The following NLGN1 variants were observed in gnomAD, a reference collection of about 807,000 sequenced individuals.
NLGN1 encodes the protein neuroligin-1.
A neutral mutation model predicts 65.5 loss-of-function variants in NLGN1; 12 were observed. The observed-to-expected ratio is 0.18, with a 90% CI of 0.12 to 0.30. The LOEUF (loss-of-function observed/expected upper bound fraction) is 0.30, where lower values mean the gene tolerates loss of function less well. Among genes scored for constraint, NLGN1 ranks in the 10% least tolerant of loss-of-function variants. The pLI is 1.00. For synonymous variants in NLGN1, 350 were observed against 359.5 expected (o/e 0.97, Z 0.30); for missense variants, 750 against 1,007.1 (o/e 0.74, Z 3.46).
intron 2 of NLGN1, among the ~76,000 whole-genome samples, chr3:173,502,924 G>A (rs1336436089): frequency 6.6e-6 from 1 of 152,006 alleles, no homozygotes; most frequent in Non-Finnish European, 1.5e-5. Context: ...GTTCACTGTA[G>A]TTACATAAAC....
intron 2 of NLGN1, among the ~76,000 whole-genome samples, chr3:173,478,832 G>A (rs1188720572): frequency 6.6e-6 from 1 of 151,752 alleles, no homozygotes; most frequent in East Asian, 1.9e-4. Flanking sequence ...GTTGCAGTGA[G>A]CTGAGATTGA....
At chr3:174,238,015 G>A (rs12497494) in intron 4 of NLGN1, among the ~76,000 whole-genome samples, 2 of 152,146 alleles carry the variant, frequency 1.3e-5, no homozygotes, top group African/African-American at 2.4e-5. Flanking sequence ...GTTGACAGTA[G>A]GATGTGCTAA....
chr3:173,976,941 G>T (rs1489896219), intron 4 of NLGN1, among the ~76,000 whole-genome samples: 1 of 151,944 alleles, frequency 6.6e-6, no homozygotes. Flanking sequence ...GAAAAAAATG[G>T]ACTCAGTCAT....
At chr3:174,283,307 G>A (rs962021498) in exon 7 of NLGN1, 1 of 151,300 alleles carries the variant, frequency 6.6e-6, no homozygotes. Context: ...ATTATTTAAT[G>A]TTTGTTATGA....
chr3:173,427,725 G>C (rs1716389232), intron 1 of NLGN1, among the ~76,000 whole-genome samples: 1 of 151,808 alleles, frequency 6.6e-6, no homozygotes, highest in Non-Finnish European at 1.5e-5. Context: ...TTGCTTTGTG[G>C]CCTAAGATAT....
chr3:173,881,706 T>G (rs1243632036), intron 4 of NLGN1, among the ~76,000 whole-genome samples: 2 of 152,086 alleles, frequency 1.3e-5, no homozygotes, highest in African/African-American at 2.4e-5. Flanking sequence ...GCTCCACTTC[T>G]AATTCTAGTT....
At chr3:173,568,305 C>T (rs1364268635) in intron 2 of NLGN1, among the ~76,000 whole-genome samples, 2 of 148,750 alleles carry the variant, frequency 1.3e-5, no homozygotes, top group East Asian at 2.0e-4. Context: ...AATTTCTTGG[C>T]TTACTGCAAC....
At chr3:173,776,282 C>T (rs749394210) in intron 3 of NLGN1, among the ~76,000 whole-genome samples, 6 of 151,882 alleles carry the variant, frequency 4.0e-5, no homozygotes, top group Non-Finnish European at 7.4e-5. Context: ...TTAGAGAGCC[C>T]CTAAGCTCTC....
chr3:173,431,025 A>G (rs568348657), intron 1 of NLGN1, among the ~76,000 whole-genome samples: 37 of 152,272 alleles, frequency 2.4e-4, no homozygotes, highest in Non-Finnish European at 4.6e-4. Flanking sequence ...CTAACTTTTA[A>G]TTAATTAATT....
intron 2 of NLGN1, among the ~76,000 whole-genome samples, chr3:173,515,174 GT>G (rs909329921): frequency 2.6e-5 from 4 of 151,980 alleles, no homozygotes; most frequent in African/African-American, 2.4e-5. Flanking sequence ...TACCTTTTCT[GT>G]TTTTGATAAT....
intron 3 of NLGN1, among the ~76,000 whole-genome samples, chr3:173,762,274 T>A (rs1418795927): frequency 6.6e-6 from 1 of 152,074 alleles, no homozygotes; most frequent in Non-Finnish European, 1.5e-5. Flanking sequence ...TGACTTGCCT[T>A]CTCCAATAAT....
chr3:174,292,979 C>T, the NLGN1 span, among the ~76,000 whole-genome samples: 2,801 of 151,274 alleles, frequency 0.019, 35 homozygotes, highest in Non-Finnish European at 0.028. Context: ...AAAATTCACA[C>T]GATTTAAAAT....
chr3:173,904,064 G>A (rs1737882773), intron 4 of NLGN1, among the ~76,000 whole-genome samples: 1 of 151,944 alleles, frequency 6.6e-6, no homozygotes, highest in Non-Finnish European at 1.5e-5. Flanking sequence ...AAACTTTTAA[G>A]AACTTTGTAA....
Position 174,109,040 on chromosome 3 carries a change from G to T in NLGN1, c.647-166275G>T, listed in dbSNP as rs116094925. ...CAAAAACTGCCCTATAAATTTTAAA[G>T]AACTATTTGAAAAGATACAGGCTAA... On this transcript the variant is annotated intron_variant, in intron 4 of 6. Coordinates refer to ENST00000457714, the Ensembl canonical transcript of NLGN1. Among the ~76,000 whole-genome samples, 750 of 151,792 alleles carry T rather than the reference G, an allele frequency of 4.9e-3. 5 individuals are homozygous for T. Among genetic ancestry groups the T allele is most frequent in the African/African-American group, 0.017 (717 of 41,382 alleles).
intron 3 of NLGN1, 136 bp downstream of exon 3, chr3:173,605,729 A>G: frequency 2.5e-6 from 1 of 403,128 alleles, no homozygotes; most frequent in Non-Finnish European, 4.8e-6. Flanking sequence ...AAGGCTGTCA[A>G]GGAATATAAA....
At chr3:173,684,524 A>T (rs183665487) in intron 3 of NLGN1, among the ~76,000 whole-genome samples, 1 of 152,326 alleles carries the variant, frequency 6.6e-6, no homozygotes. Context: ...CTTTCTACAT[A>T]TCTGGGCTTT....
chr3:173,754,642 G>T (rs1330465662), intron 3 of NLGN1, among the ~76,000 whole-genome samples: 2 of 152,050 alleles, frequency 1.3e-5, no homozygotes, highest in African/African-American at 4.8e-5. Context: ...ATGAATGAAT[G>T]AATACATTGG....
intron 3 of NLGN1, among the ~76,000 whole-genome samples, chr3:173,710,665 A>C (rs56701488): frequency 0.017 from 2,594 of 152,268 alleles, 69 homozygotes; most frequent in African/African-American, 0.061. Flanking sequence ...TAATAATTAA[A>C]TTTTTAATTG....
intron 4 of NLGN1, among the ~76,000 whole-genome samples, chr3:174,211,423 T>C (rs1736484485): frequency 6.6e-6 from 1 of 151,654 alleles, no homozygotes; most frequent in Admixed American, 6.6e-5. Context: ...CACAGGTTCT[T>C]CAAGGCCCCA....
Sources: allele counts gnomAD v4.1 joint callset (sites outside exome capture counted in the v4.1 genomes callset), GRCh38; gene constraint gnomAD v4.1.1; transcripts MANE v1.5; gene names NCBI Gene and HGNC (gene_info 2026-07-23, HGNC 2026-07-21).